Variants in CNTNAP4 observed in about 807,000 individuals in gnomAD.
The protein encoded by CNTNAP4 is contactin-associated protein-like 4.
A neutral mutation model predicts 148.4 loss-of-function variants in CNTNAP4; 98 were observed. The observed-to-expected ratio is 0.66, with a 90% CI of 0.56 to 0.78. CNTNAP4 has a LOEUF of 0.78. Ranked by LOEUF, CNTNAP4 falls within the 30% of genes least tolerant of loss-of-function variation. The probability of loss-of-function intolerance (pLI) is 0.00; values close to 1 mark genes in which losing one functional copy is unlikely to be tolerated. For synonymous variants in CNTNAP4, 730 were observed against 565.1 expected (o/e 1.29, Z -4.14); for missense variants, 1,935 against 1,565.6 (o/e 1.24, Z -3.98).
At chr16:76,345,699 G>A (rs1309647980) in intron 2 of CNTNAP4, among the ~76,000 whole-genome samples, 5 of 152,178 alleles carry the variant, frequency 3.3e-5, no homozygotes, top group African/African-American at 1.2e-4. Flanking sequence ...ACATTTCAAA[G>A]GGGTGGCTCC....
chr16:76,535,743 A>T lies in CNTNAP4; in HGVS notation c.2954A>T (p.Asp985Val). The part of the protein sequence containing the change: ...CRERPIGFFC[D>V]CTFSAYTGPF... ...GAAAGACCCATTGGGTTCTTTTGTG[A>T]CTGCACTTTCTCTGCATACACAGGG... Residue 985 changes from aspartate to valine, a missense_variant, in exon 18 of 24, where the codon GAC becomes GTC. By Grantham distance (152) the Asp-to-Val change is radical (BLOSUM62 -3). Coordinates refer to ENST00000611870, the MANE Select transcript of CNTNAP4 (RefSeq NM_033401.5). 1 of 1,613,906 alleles carries T rather than the reference A, an allele frequency of 6.2e-7. No homozygotes were observed. Among genetic ancestry groups the T allele is most frequent in the Non-Finnish European group, 8.5e-7 (1 of 1,179,850 alleles).
chr16:76,548,098 A>G (rs1396571817), intron 21 of CNTNAP4, among the ~76,000 whole-genome samples: 1 of 152,128 alleles, frequency 6.6e-6, no homozygotes, highest in African/African-American at 2.4e-5. Context: ...CAAGTTTATA[A>G]CTCAGTACAG....
chr16:76,560,255 A>T lies in CNTNAP4; in HGVS notation c.*1572A>T, dbSNP rs1480534484. ...GGAAATATGTAAATTTAGCATTACT[A>T]TCATCTTATTTTCTATATTTTCCTT... On this transcript the variant is annotated 3_prime_UTR_variant, in exon 24 of 24. Transcript: ENST00000611870. Among the ~76,000 whole-genome samples the T allele has an allele frequency of 6.6e-6, 1 of 152,164 alleles. No homozygotes were observed. The highest frequency in any genetic ancestry group is 1.5e-5 in the Non-Finnish European group (1 of 68,022).
chr16:76,402,920 G>C (rs1391313137), intron 3 of CNTNAP4, among the ~76,000 whole-genome samples: 1 of 151,988 alleles, frequency 6.6e-6, no homozygotes, highest in Non-Finnish European at 1.5e-5. Flanking sequence ...GTATAAGTTA[G>C]GTTCTTTTGC....
chr16:76,520,922 T>C (rs2083427497), intron 15 of CNTNAP4, among the ~76,000 whole-genome samples: 1 of 152,190 alleles, frequency 6.6e-6, no homozygotes, highest in Non-Finnish European at 1.5e-5. Context: ...TCTTACTCTC[T>C]ATTGGAAAAA....
At chr16:76,286,769 A>C (rs997302333) in intron 1 of CNTNAP4, among the ~76,000 whole-genome samples, 6 of 152,210 alleles carry the variant, frequency 3.9e-5, no homozygotes, top group African/African-American at 1.4e-4. Flanking sequence ...AACAAAAAGA[A>C]TTTATGTCCA....
At chr16:76,519,173 T>G (rs1364927579) in intron 15 of CNTNAP4, among the ~76,000 whole-genome samples, 1 of 152,210 alleles carries the variant, frequency 6.6e-6, no homozygotes, top group Non-Finnish European at 1.5e-5. Flanking sequence ...CCAATAAAAC[T>G]TCCTTACCTC....
At chr16:76,497,871 A>C (rs1301992822) in intron 14 of CNTNAP4, among the ~76,000 whole-genome samples, 1 of 152,152 alleles carries the variant, frequency 6.6e-6, no homozygotes, top group African/African-American at 2.4e-5. Context: ...ACAACATTTC[A>C]AAAAATAAAA....
intron 3 of CNTNAP4, among the ~76,000 whole-genome samples, chr16:76,389,412 G>A (rs1485355810): frequency 6.6e-6 from 1 of 152,098 alleles, no homozygotes; most frequent in Non-Finnish European, 1.5e-5. Flanking sequence ...CTTCCACTCA[G>A]CGCTTTGACA....
intron 18 of CNTNAP4, among the ~76,000 whole-genome samples, chr16:76,537,806 T>A (rs2084275429): frequency 6.6e-6 from 1 of 152,036 alleles, no homozygotes; most frequent in Non-Finnish European, 1.5e-5. Flanking sequence ...GAGTTAAAAT[T>A]TAAATAAAAA....
chr16:76,293,527 C>T (rs16944171), intron 1 of CNTNAP4, among the ~76,000 whole-genome samples: 20,161 of 152,040 alleles, frequency 0.13, 2,271 homozygotes, highest in African/African-American at 0.29. Flanking sequence ...ACACAAGTAA[C>T]AAAATATTAA....
chr16:76,338,532 A>G (rs895454429), intron 2 of CNTNAP4, among the ~76,000 whole-genome samples: 1 of 152,116 alleles, frequency 6.6e-6, no homozygotes. Flanking sequence ...CCCAAGTGAA[A>G]TGTTTCTGCT....
chr16:76,540,591 C>A (rs988464373), intron 20 of CNTNAP4, 112 bp from the exon 21 acceptor site: 1 of 590,936 alleles, frequency 1.7e-6, no homozygotes, highest in Non-Finnish European at 2.8e-6. Flanking sequence ...ATGTTTGGGG[C>A]CATGCTAACA....
intron 19 of CNTNAP4, among the ~76,000 whole-genome samples, chr16:76,539,504 AAG>A (rs2084357586): frequency 6.6e-6 from 1 of 152,096 alleles, no homozygotes; most frequent in South Asian, 2.1e-4. Flanking sequence ...ATTTGCAGGA[AAG>A]AGAGTGCTTG....
chr16:76,393,031 C>G (rs1016897476), intron 3 of CNTNAP4, among the ~76,000 whole-genome samples: 3 of 152,168 alleles, frequency 2.0e-5, no homozygotes, highest in Non-Finnish European at 2.9e-5. Context: ...CTTTAACAAG[C>G]ACAATTGTCT....
In CNTNAP4 at chr16:76,455,462, C is replaced by T. The variant is rs565789094; in HGVS notation, c.1333+2693C>T. ...GGAGCAGCCCCCTTGATTTGCTGCA[C>T]CCAGGAGAGCCATTTTTGTCAATCC... On this transcript the variant is annotated intron_variant, in intron 8 of 23. Transcript: ENST00000611870. Among the ~76,000 whole-genome samples the T allele has an allele frequency of 7.9e-4, 121 of 152,284 alleles. 1 individual carries two copies. Among genetic ancestry groups the T allele is most frequent in the Admixed American group, 1.7e-3 (26 of 15,296 alleles).
At position 76,538,273 on chromosome 16, in the gene CNTNAP4, A is replaced by C; in HGVS notation, c.3153A>C (p.Thr1051=). Residue 1051 remains threonine (T), a synonymous_variant, in exon 19 of 24, where the codon ACA becomes ACC. Coordinates refer to ENST00000611870, the MANE Select transcript of CNTNAP4 (RefSeq NM_033401.5). The part of the protein sequence containing the change: ...MIKFSFRTTR[T]PSLLLFVSSF... ...AATTTAGTTTCCGAACAACACGAACACCAAGCTTGCTGCTTTTTGTGAGCT... is the reference window on the plus strand; with the variant it reads ...AATTTAGTTTCCGAACAACACGAACCCCAAGCTTGCTGCTTTTTGTGAGCT... 1 of 1,610,854 alleles carries C rather than the reference A, an allele frequency of 6.2e-7. No individual in the cohort carries two copies. Among genetic ancestry groups the C allele is most frequent in the South Asian group, 1.1e-5 (1 of 90,696 alleles).
chr16:76,482,770 A>G (rs1168505604), intron 12 of CNTNAP4, among the ~76,000 whole-genome samples: 3 of 152,214 alleles, frequency 2.0e-5, no homozygotes, highest in East Asian at 3.9e-4. Context: ...ACAAATGCCC[A>G]GACAGCACTG....
At chr16:76,407,609 G>A (rs1379997265) in intron 3 of CNTNAP4, among the ~76,000 whole-genome samples, 1 of 152,080 alleles carries the variant, frequency 6.6e-6, no homozygotes, top group Non-Finnish European at 1.5e-5. Context: ...TAGAATTGGA[G>A]CCTAAAGATG....
Sources: gnomAD v4.1 joint callset for allele counts (sites outside exome capture counted in the v4.1 genomes callset) on GRCh38, gnomAD v4.1.1 for gene constraint, MANE v1.5 for transcripts, NCBI Gene and HGNC (gene_info 2026-07-23, HGNC 2026-07-21) for gene names.